Variants in CACHD1 observed in about 807,000 individuals in gnomAD.
CACHD1 encodes the protein VWFA and cache domain-containing protein 1.
A neutral mutation model predicts 138.7 loss-of-function variants in CACHD1; 71 were observed. The observed-to-expected ratio is 0.51, with a 90% CI of 0.42 to 0.62. The LOEUF (loss-of-function observed/expected upper bound fraction) is 0.62. Among genes scored for constraint, CACHD1 ranks in the 20% least tolerant of loss-of-function variants. The pLI is 0.00. For synonymous variants in CACHD1, 578 were observed against 591.5 expected (o/e 0.98, Z 0.33); for missense variants, 1,389 against 1,625.3 (o/e 0.85, Z 2.50).
chr1:64,675,246 A>G (rs991806284), intron 19 of CACHD1, among the ~76,000 whole-genome samples, 155 bp from the exon 20 acceptor site: 4 of 152,206 alleles, frequency 2.6e-5, no homozygotes, highest in African/African-American at 9.6e-5. Context: ...TAAATTTTTA[A>G]CAGTGACTAT....
intron 5 of CACHD1, among the ~76,000 whole-genome samples, chr1:64,630,052 G>A (rs1006483968): frequency 6.6e-6 from 1 of 152,116 alleles, no homozygotes; most frequent in Non-Finnish European, 1.5e-5. Flanking sequence ...GAGATACTTT[G>A]TATGACAAGA....
intron 15 of CACHD1, among the ~76,000 whole-genome samples, chr1:64,665,766 C>G (rs1021431321): frequency 6.6e-6 from 1 of 152,080 alleles, no homozygotes; most frequent in African/African-American, 2.4e-5. Context: ...CTTGTAATCT[C>G]AGCACTTTGG....
At chr1:64,481,797 A>G (rs944307779) in intron 1 of CACHD1, among the ~76,000 whole-genome samples, 13 of 152,230 alleles carry the variant, frequency 8.5e-5, no homozygotes, top group African/African-American at 3.1e-4. Flanking sequence ...TCTTAATTCA[A>G]AAAACAAATT....
At chr1:64,602,017 T>C (rs1297197537) in intron 3 of CACHD1, among the ~76,000 whole-genome samples, 1 of 152,234 alleles carries the variant, frequency 6.6e-6, no homozygotes, top group Non-Finnish European at 1.5e-5. Flanking sequence ...TTTCCTATTA[T>C]ATTCTTTCAG....
chr1:64,498,455 T>C (rs1387701271), intron 1 of CACHD1, among the ~76,000 whole-genome samples: 9 of 152,238 alleles, frequency 5.9e-5, no homozygotes, highest in Non-Finnish European at 1.3e-4. Flanking sequence ...TTACTGCATC[T>C]TTACTTTTGT....
intron 26 of CACHD1, among the ~76,000 whole-genome samples, chr1:64,686,194 G>T (rs151050493): frequency 1.3e-5 from 2 of 152,244 alleles, no homozygotes; most frequent in Admixed American, 1.3e-4. Flanking sequence ...CCTGATAAGC[G>T]TATTTCCATG....
intron 1 of CACHD1, among the ~76,000 whole-genome samples, chr1:64,500,421 T>C (rs990662260): frequency 6.6e-6 from 1 of 152,224 alleles, no homozygotes; most frequent in Admixed American, 6.5e-5. Flanking sequence ...TTCGAAGAAC[T>C]TTCCCATTTC....
intron 4 of CACHD1, among the ~76,000 whole-genome samples, chr1:64,622,206 C>G (rs1367604022): frequency 6.6e-6 from 1 of 152,186 alleles, no homozygotes; most frequent in Non-Finnish European, 1.5e-5. Flanking sequence ...GAGATCACAA[C>G]TATACCATTT....
At chr1:64,575,806 T>C (rs1331297769) in intron 2 of CACHD1, among the ~76,000 whole-genome samples, 1 of 152,218 alleles carries the variant, frequency 6.6e-6, no homozygotes, top group Non-Finnish European at 1.5e-5. Context: ...ATTTTTGTTT[T>C]CTTTTACCTT....
intron 2 of CACHD1, among the ~76,000 whole-genome samples, chr1:64,561,192 C>T (rs924904971): frequency 4.6e-5 from 7 of 151,402 alleles, no homozygotes; most frequent in African/African-American, 1.7e-4. Context: ...TTAGCTCCTC[C>T]TTCCCAACCC....
chr1:64,505,303 G>A (rs1469488562), intron 1 of CACHD1, among the ~76,000 whole-genome samples: 1 of 151,808 alleles, frequency 6.6e-6, no homozygotes, highest in African/African-American at 2.4e-5. Flanking sequence ...GCTCAGCCCC[G>A]GGAGCCACAG....
rs575987243 is a variant in CACHD1, at chr1:64,658,801, C to G, written c.1879C>G (p.Leu627Val). The stretch of plus-strand genomic sequence containing the variant: ...CCTCAACACTGTTCCCAGCAGCAAG[C>G]TGCTGTACCACCGGCTGGATCTCCT... Reference protein sequence around the residue: ...KNLNTVPSSKLLYHRLDLLGQ... With the variant: ...KNLNTVPSSKVLYHRLDLLGQ... The change falls in exon 13 of 27, where the codon CTG becomes GTG. Residue 627 changes from leucine to valine, a missense_variant. By Grantham distance (32) the Leu-to-Val change is conservative. Transcript: ENST00000651257. 1 of 1,602,932 alleles carries G rather than the reference C, an allele frequency of 6.2e-7. No homozygotes were observed. Among genetic ancestry groups the G allele is most frequent in the East Asian group, 2.2e-5 (1 of 44,642 alleles).
At chr1:64,651,023 A>G (rs962010796) in intron 9 of CACHD1, among the ~76,000 whole-genome samples, 5 of 152,062 alleles carry the variant, frequency 3.3e-5, no homozygotes, top group Non-Finnish European at 7.4e-5. Context: ...TCTCGGGGCC[A>G]TGCATTGACC....
At chr1:64,657,881 TAATC>T (rs1329237947) in intron 12 of CACHD1, among the ~76,000 whole-genome samples, 1 of 152,226 alleles carries the variant, frequency 6.6e-6, no homozygotes, top group Non-Finnish European at 1.5e-5. Flanking sequence ...AATAGGATAA[TAATC>T]GAGAAATTTC....
At chr1:64,679,536 A>G in intron 23 of CACHD1, 59 bp from the exon 24 acceptor site, 1 of 1,585,372 alleles carries the variant, frequency 6.3e-7, no homozygotes, top group Non-Finnish European at 8.6e-7. Context: ...CACCATCCTT[A>G]CTTTCTTCCC....
intron 2 of CACHD1, among the ~76,000 whole-genome samples, chr1:64,561,007 C>T (rs1164577364): frequency 1.3e-5 from 2 of 152,036 alleles, no homozygotes; most frequent in African/African-American, 4.8e-5. Context: ...TATATACTTA[C>T]TGTTTACATG....
chr1:64,689,291 T>A lies in CACHD1; in HGVS notation c.3587-2032T>A, dbSNP rs555450625. Among the ~76,000 whole-genome samples the A allele has an allele frequency of 6.6e-5, 10 of 152,344 alleles. No individual in the cohort carries two copies. In the East Asian group the frequency reaches 1.9e-3, roughly 29 times the overall value. ...AAAATCAAGCTGTGCATAAACAAAA[T>A]GTGTCTTCTTTCCTGAGACTCAATC... On this transcript the variant is annotated intron_variant, in intron 26 of 26. Coordinates refer to ENST00000651257, the MANE Select transcript of CACHD1 (RefSeq NM_020925.4).
intron 2 of CACHD1, among the ~76,000 whole-genome samples, chr1:64,572,631 A>G (rs1226227855): frequency 3.9e-5 from 6 of 152,146 alleles, no homozygotes; most frequent in African/African-American, 1.2e-4. Context: ...TGCTGGTCTC[A>G]ACTGTTTCCC....
intron 12 of CACHD1, among the ~76,000 whole-genome samples, chr1:64,657,882 A>G (rs1649318429): frequency 6.6e-6 from 1 of 152,216 alleles, no homozygotes; most frequent in South Asian, 2.1e-4. Context: ...ATAGGATAAT[A>G]ATCGAGAAAT....
Sources: allele counts gnomAD v4.1 joint callset (sites outside exome capture counted in the v4.1 genomes callset), GRCh38; gene constraint gnomAD v4.1.1; transcripts MANE v1.5; gene names NCBI Gene and HGNC (gene_info 2026-07-23, HGNC 2026-07-21).